NTM: variants seen among roughly 807,000 people sequenced by gnomAD.
NTM encodes the protein IgLON family member 2.
A neutral mutation model predicts 42.1 loss-of-function variants in NTM; 13 were observed. The ratio of observed to expected loss-of-function variants is 0.31; its 90% confidence interval spans 0.20 to 0.49. NTM has a LOEUF of 0.49. NTM is among the 20% of genes least tolerant of loss of function. The pLI is 0.99. For synonymous variants in NTM, 187 were observed against 179.2 expected, an observed-to-expected ratio of 1.04 and a Z score of -0.35; for missense variants, 373 against 452.8, an observed-to-expected ratio of 0.82 and a Z score of 1.60.
At chr11:131,513,935 C>T (rs561940145) in intron 1 of NTM, among the ~76,000 whole-genome samples, 2 of 152,152 alleles carry the variant, frequency 1.3e-5, no homozygotes, top group East Asian at 3.9e-4. Context: ...CCCAGCAGAC[C>T]CTCACCCTCC....
At chr11:131,514,618 C>T (rs1027847431) in intron 1 of NTM, among the ~76,000 whole-genome samples, 3 of 152,082 alleles carry the variant, frequency 2.0e-5, no homozygotes, top group South Asian at 2.1e-4. Flanking sequence ...CTCACTCTTT[C>T]TCCCAGGCTG....
chr11:131,930,531 A>G (rs2058480591), intron 2 of NTM, among the ~76,000 whole-genome samples: 1 of 152,242 alleles, frequency 6.6e-6, no homozygotes, highest in Non-Finnish European at 1.5e-5. Context: ...GCATGTGCAT[A>G]ATATATCTAT....
chr11:131,669,548 A>G (rs2069730214), intron 1 of NTM, among the ~76,000 whole-genome samples: 2 of 152,288 alleles, frequency 1.3e-5, no homozygotes, highest in African/African-American at 4.8e-5. Flanking sequence ...GGGGCATTGA[A>G]GGAGGCTACC....
chr11:132,186,709 G>A (rs1261216848), intron 3 of NTM, among the ~76,000 whole-genome samples: 1 of 152,100 alleles, frequency 6.6e-6, no homozygotes, highest in Non-Finnish European at 1.5e-5. Flanking sequence ...GTTCTCAGAA[G>A]GACACTATAA....
At chr11:132,232,789 G>A (rs1054524741) in intron 4 of NTM, among the ~76,000 whole-genome samples, 1 of 152,190 alleles carries the variant, frequency 6.6e-6, no homozygotes, top group African/African-American at 2.4e-5. Context: ...AAGGCAGACA[G>A]GAGAGGTGTA....
At chr11:132,299,020 G>A (rs2094732797) in intron 4 of NTM, among the ~76,000 whole-genome samples, 1 of 152,202 alleles carries the variant, frequency 6.6e-6, no homozygotes, top group African/African-American at 2.4e-5. Context: ...TCATGGCCAG[G>A]TGCGGTGGCT....
At position 131,474,178 on chromosome 11, in the gene NTM, C is replaced by T. The variant is rs180944401; in HGVS notation, c.82+103290C>T. On this transcript the variant is annotated intron_variant, in intron 1 of 8. Coordinates refer to ENST00000683400, the MANE Select transcript of NTM (RefSeq NM_001352005.2). Reference sequence around the variant, plus strand: ...CTCCTGTCCAGCAAAAACTACAAAACGCTTTCAGCATGCTCTGATCTTTCT... The same window carrying T: ...CTCCTGTCCAGCAAAAACTACAAAATGCTTTCAGCATGCTCTGATCTTTCT... Among the ~76,000 whole-genome samples the T allele has an allele frequency of 2.0e-3, 301 of 152,244 alleles. 1 individual carries two copies. Among genetic ancestry groups the T allele is most frequent in the African/African-American group, 4.3e-3 (178 of 41,560 alleles).
chr11:131,939,979 T>G (rs910911261), intron 2 of NTM, among the ~76,000 whole-genome samples: 1 of 152,176 alleles, frequency 6.6e-6, no homozygotes, highest in East Asian at 1.9e-4. Flanking sequence ...CTTAAGACTT[T>G]TAGTTGTGTG....
chr11:132,079,741 T>G (rs2058795267), intron 2 of NTM, among the ~76,000 whole-genome samples: 1 of 152,230 alleles, frequency 6.6e-6, no homozygotes, highest in Admixed American at 6.5e-5. Flanking sequence ...ATGTTCTGGA[T>G]GGGGTCTGTC....
At chr11:132,177,174 A>G (rs1280639199) in intron 3 of NTM, among the ~76,000 whole-genome samples, 1 of 152,208 alleles carries the variant, frequency 6.6e-6, no homozygotes, top group Non-Finnish European at 1.5e-5. Context: ...ATGCTGTGAC[A>G]TTTTGCTGCC....
intron 2 of NTM, among the ~76,000 whole-genome samples, chr11:131,994,974 A>G (rs773698233): frequency 2.0e-5 from 3 of 151,938 alleles, no homozygotes; most frequent in Non-Finnish European, 4.4e-5. Flanking sequence ...AATGTCTTTT[A>G]TCTGCCATGT....
At chr11:131,723,234 G>A (rs1294226312) in intron 1 of NTM, among the ~76,000 whole-genome samples, 4 of 152,206 alleles carry the variant, frequency 2.6e-5, no homozygotes, top group Non-Finnish European at 5.9e-5. Context: ...TGTTTGCCAT[G>A]GCAACCATCA....
intron 1 of NTM, among the ~76,000 whole-genome samples, chr11:131,754,535 G>T (rs2083058301): frequency 6.6e-6 from 1 of 151,480 alleles, no homozygotes; most frequent in African/African-American, 2.4e-5. Context: ...TGAGGCAAGA[G>T]AATTGCTTGA....
intron 1 of NTM, among the ~76,000 whole-genome samples, chr11:131,781,770 T>G (rs1300560924): frequency 6.6e-6 from 1 of 152,154 alleles, no homozygotes; most frequent in Non-Finnish European, 1.5e-5. Context: ...ATAAAACAGA[T>G]GAAGTGAAGC....
rs148248122 is a variant in NTM, at chr11:131,633,678, C to CCT, written c.82+262804_82+262805dup. 2.0e-3 allele frequency among the ~76,000 whole-genome samples: 95 copies of CCT among 47,304 alleles called. 2 individuals carry two copies. The highest frequency in any genetic ancestry group is 7.5e-3 in the African/African-American group (93 of 12,470). The allele number at this position is 47,304 out of a possible 152,430, so 31.0% of individuals were successfully genotyped here. On this transcript the variant is annotated intron_variant, in intron 1 of 8. Coordinates refer to ENST00000683400, the MANE Select transcript of NTM (RefSeq NM_001352005.2). ...CTCCCTCTCTCTCCCTCTCTCCCTC[C>CCT]CTCTCTCTCTCTCTCCCTCCCTCTC...
At chr11:131,529,337 G>A (rs1453583863) in intron 1 of NTM, among the ~76,000 whole-genome samples, 1 of 152,134 alleles carries the variant, frequency 6.6e-6, no homozygotes, top group Non-Finnish European at 1.5e-5. Flanking sequence ...TGAGTGAGTG[G>A]AACCCTTAGG....
intron 4 of NTM, among the ~76,000 whole-genome samples, chr11:132,264,097 A>G (rs1041262467): frequency 6.6e-6 from 1 of 152,198 alleles, no homozygotes; most frequent in African/African-American, 2.4e-5. Context: ...CATAAAGGCT[A>G]TGTCAATTAG....
At chr11:131,986,264 A>G (rs1293446155) in intron 2 of NTM, among the ~76,000 whole-genome samples, 1 of 152,164 alleles carries the variant, frequency 6.6e-6, no homozygotes, top group Admixed American at 6.5e-5. Flanking sequence ...GTTCACATGA[A>G]ATAGCATAGC....
At position 131,884,302 on chromosome 11, in the gene NTM, G is replaced by A. The variant is rs554216584; in HGVS notation, c.83-27262G>A. On this transcript the variant is annotated intron_variant, in intron 1 of 8. Transcript: ENST00000683400. ...TGCATGCCTGTAATCCCAGCTACTC[G>A]GGAGGCTGAGGCAGGAGAATCATTT... Among the ~76,000 whole-genome samples the A allele has an allele frequency of 7.9e-5, 12 of 152,142 alleles. No homozygotes were observed. In the South Asian group the frequency reaches 1.9e-3, roughly 24 times the overall value.
Sources: allele counts gnomAD v4.1 joint callset (sites outside exome capture counted in the v4.1 genomes callset), GRCh38; gene constraint gnomAD v4.1.1; transcripts MANE v1.5; gene names NCBI Gene and HGNC (gene_info 2026-07-23, HGNC 2026-07-21).